AP5Z1: variants seen among roughly 807,000 people sequenced by gnomAD.
AP5Z1 encodes the protein AP-5 complex subunit zeta-1.
In AP5Z1, 106 loss-of-function variants were observed where a neutral mutation model predicts 83.0. The observed-to-expected ratio is 1.28, with a 90% CI of 1.09 to 1.50. The LOEUF (loss-of-function observed/expected upper bound fraction) is 1.50. AP5Z1 is among the 40% of genes most tolerant of loss of function. The probability of loss-of-function intolerance (pLI) is 0.00; values close to 1 mark genes in which losing one functional copy is unlikely to be tolerated. For missense variants in AP5Z1, 1,565 were observed against 1,094.2 expected (o/e 1.43, Z -6.07); for synonymous variants, 751 against 514.1 (o/e 1.46, Z -6.23).
At chr7:4,782,696 C>T (rs1256827549) in intron 3 of AP5Z1, among the ~76,000 whole-genome samples, 2 of 152,150 alleles carry the variant, frequency 1.3e-5, no homozygotes, top group Non-Finnish European at 2.9e-5. Flanking sequence ...GAGATGACCC[C>T]GGTAATGCTG....
rs535295016 is a variant in AP5Z1, at chr7:4,793,201, T to G, written c.*1816T>G. On this transcript the variant is annotated 3_prime_UTR_variant, in exon 17 of 17. Transcript: ENST00000649063. ...GACCCCAGCCCAGGGAGGAGCAACC[T>G]TCAGGTGGCCTCCAGGAGGCAGCTG... is the stretch of plus-strand genomic sequence containing the variant. 6.6e-6 allele frequency: 1 copy of G among 152,382 alleles called. No individual in the cohort carries two copies. Among genetic ancestry groups the G allele is most frequent in the East Asian group, 1.9e-4 (1 of 5,192 alleles). 9.4% of individuals were successfully genotyped at this position (152,382 alleles called of 1,614,324 possible).
chr7:4,783,092 G>GC (rs2115105722), intron 3 of AP5Z1, among the ~76,000 whole-genome samples: 1 of 152,354 alleles, frequency 6.6e-6, no homozygotes, highest in East Asian at 1.9e-4. Context: ...CCTCACCCAG[G>GC]CCCCCTCCAG....
In AP5Z1 at chr7:4,788,199, C is replaced by T. The variant is rs374604255; in HGVS notation, c.1500C>T (p.Leu500=). 2.6e-6 allele frequency: 4 copies of T among 1,562,006 alleles called. No homozygotes were observed. The highest frequency in any genetic ancestry group is 1.2e-5 in the South Asian group (1 of 84,860). Residue 500 remains leucine, a synonymous_variant, in exon 12 of 17, where the codon CTC becomes CTT. Coordinates refer to ENST00000649063, the MANE Select transcript of AP5Z1 (RefSeq NM_014855.3). Reference sequence around the variant, plus strand: ...AGAGGCCACTCTGGGACACCTCTCTCAGGGCCCCCAGCTGCCTGGAGGCCT... The same window carrying T: ...AGAGGCCACTCTGGGACACCTCTCTTAGGGCCCCCAGCTGCCTGGAGGCCT... ...ASERPLWDTS[L]RAPSCLEAFR...
At chr7:4,778,271 ATG>A (rs1781277722) in intron 1 of AP5Z1, among the ~76,000 whole-genome samples, 1 of 152,192 alleles carries the variant, frequency 6.6e-6, no homozygotes, top group African/African-American at 2.4e-5. Flanking sequence ...TTCTCTCTAA[ATG>A]TGTCAGAGAT....
Position 4,781,304 on chromosome 7 carries a change from C to T in AP5Z1, c.171C>T (p.Tyr57=), listed in dbSNP as rs750818039. 21 of 1,613,318 alleles carry T rather than the reference C, an allele frequency of 1.3e-5. No homozygotes were observed. The Middle Eastern group carries it at 5.0e-4, about 38-fold the overall frequency. The change falls in exon 2 of 17, where the codon TAC becomes TAT. Residue 57 remains tyrosine (Y), a synonymous_variant. Transcript: ENST00000649063. ...RLFLIISATK[Y]SRRLEKTCVD... is the part of the protein sequence containing the mutation. ...TCCTCATCATCTCAGCCACGAAGTACAGCCGGAGGTGAGTGTGGCGACGGC... is the reference window on the plus strand; with the variant it reads ...TCCTCATCATCTCAGCCACGAAGTATAGCCGGAGGTGAGTGTGGCGACGGC...
intron 10 of AP5Z1, among the ~76,000 whole-genome samples, chr7:4,787,400 C>A (rs1410760538): frequency 2.0e-5 from 3 of 152,078 alleles, no homozygotes; most frequent in Non-Finnish European, 4.4e-5. Context: ...GTGGGAGGAT[C>A]ACTTGAGCCT....
chr7:4,777,609 G>A (rs999988355), intron 1 of AP5Z1, among the ~76,000 whole-genome samples: 41 of 152,162 alleles, frequency 2.7e-4, no homozygotes, highest in Admixed American at 5.2e-4. Context: ...GGCTGGTCTC[G>A]AATTCCTGAC....
Position 4,789,936 on chromosome 7 carries a change from C to T in AP5Z1, c.1805+7C>T, listed in dbSNP as rs1256048012. 1.4e-5 allele frequency: 21 copies of T among 1,524,790 alleles called. No individual in the cohort carries two copies. The highest frequency in any genetic ancestry group is 1.9e-5 in the Non-Finnish European group (21 of 1,130,578). 94.5% of individuals were successfully genotyped at this position (1,524,790 alleles called of 1,614,324 possible). A position where few individuals can be genotyped will look rare whatever the true frequency, so the allele number is the denominator to read the frequency against. On this transcript the variant is annotated splice_region_variant and intron_variant, in intron 14 of 16. Coordinates refer to ENST00000649063, the MANE Select transcript of AP5Z1 (RefSeq NM_014855.3). Reference sequence around the variant, plus strand: ...ACGCTGCCGGTGTGCACAGGTAGGTCCCTCCTGCGCTCCTGCCACAGCCCT... The same window carrying T: ...ACGCTGCCGGTGTGCACAGGTAGGTTCCTCCTGCGCTCCTGCCACAGCCCT...
In AP5Z1 at chr7:4,781,724, G is replaced by A; in HGVS notation, c.336G>A (p.Leu112=). 3 of 1,579,192 alleles carry A rather than the reference G, an allele frequency of 1.9e-6. No individual in the cohort carries two copies. The highest frequency in any genetic ancestry group is 1.7e-6 in the Non-Finnish European group (2 of 1,153,420). ...AWDHTQNSRQ[L]SLVASVLLAQ... ...ACCACACGCAGAACAGCCGGCAGCTGAGCCTGGTGGCCTCCGTTCTCTTGG... is the reference window on the plus strand; with the variant it reads ...ACCACACGCAGAACAGCCGGCAGCTAAGCCTGGTGGCCTCCGTTCTCTTGG... The change falls in exon 3 of 17, where the codon CTG becomes CTA. Residue 112 remains leucine (L), a synonymous_variant. Coordinates refer to ENST00000649063, the MANE Select transcript of AP5Z1 (RefSeq NM_014855.3).
rs1008251783 is a variant in AP5Z1, at chr7:4,788,288, C to T, written c.1589C>T (p.Thr530Ile). 1.9e-6 allele frequency: 3 copies of T among 1,590,060 alleles called. No homozygotes were observed. The highest frequency in any genetic ancestry group is 1.7e-6 in the Non-Finnish European group (2 of 1,169,804). ...CTGCGCCCCAAGGCCAGTGGCGCCA[C>T]TGAGAGGTACGGGGCCCTAGGGCCA... ...YLLRPKASGA[T>I]ERLAPLHQLL... The change falls in exon 12 of 17, where the codon ACT (threonine) becomes ATT (isoleucine). Residue 530 changes from threonine (T) to isoleucine (I), a missense_variant. Physicochemically the swap from Thr to Ile is moderately conservative, Grantham distance 89. Coordinates refer to ENST00000649063, the MANE Select transcript of AP5Z1 (RefSeq NM_014855.3).
intron 13 of AP5Z1, 92 bp downstream of exon 13, chr7:4,789,043 C>T (rs542482444): frequency 2.2e-5 from 24 of 1,101,384 alleles, no homozygotes; most frequent in African/African-American, 4.7e-5. Context: ...TTGAGCTCTG[C>T]AGAAGGCTGC....
rs377205422 is a variant in AP5Z1, at chr7:4,784,987, G to A, written c.870G>A (p.Arg290=). ...TSSAGRLLPP[R]ERLREVAFEY... is the part of the protein sequence containing the mutation. ...CTGCCGGCCGCCTGCTGCCGCCCCGGGAGCGGCTTCGGGAGGTGGCCTTCG... is the reference window on the plus strand; with the variant it reads ...CTGCCGGCCGCCTGCTGCCGCCCCGAGAGCGGCTTCGGGAGGTGGCCTTCG... The change falls in exon 7 of 17, where the codon CGG becomes CGA. Residue 290 remains arginine (R), a synonymous_variant. Coordinates refer to ENST00000649063, the MANE Select transcript of AP5Z1 (RefSeq NM_014855.3). 21 of 1,612,018 alleles carry A rather than the reference G, an allele frequency of 1.3e-5. No individual in the cohort carries two copies. The highest frequency in any genetic ancestry group is 3.3e-5 in the South Asian group (3 of 91,034).
At chr7:4,782,739 C>G (rs1043547086) in intron 3 of AP5Z1, among the ~76,000 whole-genome samples, 1 of 151,934 alleles carries the variant, frequency 6.6e-6, no homozygotes, top group African/African-American at 2.4e-5. Flanking sequence ...CAAGATGACT[C>G]CGGCTCTTCT....
chr7:4,787,700 G>T lies in AP5Z1; in HGVS notation c.1378G>T (p.Ala460Ser), dbSNP rs371881628. The change falls in exon 11 of 17, where the codon GCT becomes TCT. Residue 460 changes from alanine (A) to serine (S), a missense_variant. By Grantham distance (99) the Ala-to-Ser change is moderately conservative (BLOSUM62 1). Coordinates refer to ENST00000649063, the MANE Select transcript of AP5Z1 (RefSeq NM_014855.3). ...GGCGCTCCTCCCGGCCCTGGTGGAC[G>T]CTGGCACAGCCCTGGAGATGCTGCA... is the stretch of plus-strand genomic sequence containing the variant. Reference protein sequence around the residue: ...FVALLPALVDAGTALEMLHAL... With the variant: ...FVALLPALVDSGTALEMLHAL... 4.3e-5 allele frequency: 66 copies of T among 1,551,614 alleles called. No homozygotes were observed. The South Asian group carries it at 7.2e-4, about 17-fold the overall frequency.
In AP5Z1 at chr7:4,790,963, GTGT is replaced by G. The variant is rs1583242901; in HGVS notation, c.2153+80_2153+82del. On this transcript the variant is annotated intron_variant, in intron 16 of 16. Transcript: ENST00000649063. ...TGGCTTCTGAGGTCTTCCCATCCAG[GTGT>G]TGTGAAATGGTCGCAGCAGCGCAGG... 5.4e-6 allele frequency: 8 copies of G among 1,493,010 alleles called. No homozygotes were observed. The East Asian group carries it at 1.5e-4, about 28-fold the overall frequency. The allele number at this position is 1,493,010 out of a possible 1,614,324, so 92.5% of individuals were successfully genotyped here. A position where few individuals can be genotyped will look rare whatever the true frequency, so the allele number is the denominator to read the frequency against.
intron 14 of AP5Z1, chr7:4,790,179 C>T (rs1338545802): frequency 1.3e-6 from 2 of 1,535,764 alleles, no homozygotes; most frequent in East Asian, 2.4e-5. Flanking sequence ...GGTCCCTCTT[C>T]CCCGTCTTGT....
chr7:4,788,313 AG>A lies in AP5Z1; in HGVS notation c.1595+24del. 4 of 1,562,228 alleles carry A rather than the reference AG, an allele frequency of 2.6e-6. No homozygotes were observed. The highest frequency in any genetic ancestry group is 3.5e-6 in the Non-Finnish European group (4 of 1,153,546). ...CTGAGAGGTACGGGGCCCTAGGGCC[AG>A]GGGGCCACCAGTGGCTCAGAGAGCC... On this transcript the variant is annotated intron_variant, in intron 12 of 16. Transcript: ENST00000649063.
At chr7:4,786,171 C>G in intron 9 of AP5Z1, 79 bp from the exon 10 acceptor site, 2 of 1,420,208 alleles carry the variant, frequency 1.4e-6, no homozygotes, top group Non-Finnish European at 1.9e-6. Context: ...AGGCCTGAGA[C>G]TCAGGGCCCC....
Position 4,791,711 on chromosome 7 carries a change from T to A in AP5Z1, c.*326T>A. ...TCCTAGTCTTTTGTTTTTGGACAGT[T>A]GATGGGCAAGAAGAGCTGCAGTAAA... is the stretch of plus-strand genomic sequence containing the variant. On this transcript the variant is annotated 3_prime_UTR_variant, in exon 17 of 17. Transcript: ENST00000649063. The A allele has an allele frequency of 2.4e-6, 1 of 421,158 alleles. No individual in the cohort carries two copies. The highest frequency in any genetic ancestry group is 4.3e-6 in the Non-Finnish European group (1 of 234,772). The allele number at this position is 421,158 out of a possible 1,614,324, so 26.1% of individuals were successfully genotyped here.
Sources: allele counts gnomAD v4.1 joint callset (sites outside exome capture counted in the v4.1 genomes callset), GRCh38; gene constraint gnomAD v4.1.1; transcripts MANE v1.5; gene names NCBI Gene and HGNC (gene_info 2026-07-23, HGNC 2026-07-21).